The following ARHGAP4 variants were observed in gnomAD, a reference collection of about 807,000 sequenced individuals.
The protein encoded by ARHGAP4 is Rho GTPase activating protein 4, also known as rho GTPase-activating protein 4.
ARHGAP4 carries 25 observed loss-of-function variants against 67.6 expected under a neutral mutation model. The ratio of observed to expected loss-of-function variants is 0.37; its 90% CI spans 0.27 to 0.52. The LOEUF (loss-of-function observed/expected upper bound fraction) is 0.52, where lower values mean the gene tolerates loss of function less well. Ranked by LOEUF, ARHGAP4 falls within the 20% of genes least tolerant of loss-of-function variation. ARHGAP4 has a pLI of 0.92. For synonymous variants in ARHGAP4, 448 were observed against 373.7 expected, an observed-to-expected ratio of 1.20 and a Z score of -2.29; for missense variants, 804 against 854.6, an observed-to-expected ratio of 0.94 and a Z score of 0.74.
rs1277591959 is a variant in ARHGAP4 at position 153,909,873 on chromosome X, G to A, written c.2282C>T (p.Thr761Ile). The change falls in exon 19 of 22, where the codon ACA (threonine) becomes ATA (isoleucine). Residue 761 changes from threonine (T) to isoleucine (I), a missense_variant. Transcript: ENST00000350060. ...AVACFAYTGR[T>I]AQELSFRRGD... ...CCGCCGGAAGCTCAGCTCCTGGGCT[G>A]TGCGGCCCGTGTAGGCAAAGCAGGC... 9.1e-6 allele frequency: 11 copies of A among 1,203,109 alleles called. No homozygotes were observed. The highest frequency in any genetic ancestry group is 1.2e-5 in the Non-Finnish European group (11 of 892,211).
At chrX:153,917,919 G>A (rs2065066282) in intron 7 of ARHGAP4, among the ~76,000 whole-genome samples, 1 of 112,364 alleles carries the variant, frequency 8.9e-6, no homozygotes, top group Non-Finnish European at 1.9e-5. Context: ...CTCCAGACTG[G>A]AAGGCTCTGG....
At chrX:153,911,070 AGGTGCTGGGAACTG>A (rs1409215160) in intron 13 of ARHGAP4, 45 bp downstream of exon 13, 2 of 1,161,953 alleles carry the variant, frequency 1.7e-6, no homozygotes, top group Non-Finnish European at 2.3e-6. Flanking sequence ...CTCCCATGCC[AGGTGCTGGGAACTG>A]GGTGCTGGGT....
chrX:153,913,689 G>T, intron 8 of ARHGAP4, 89 bp from the exon 9 acceptor site: 1 of 1,164,026 alleles, frequency 8.6e-7, no homozygotes, highest in Middle Eastern at 2.4e-4. Context: ...GCCAAAGGGA[G>T]GGGGGCAGGC....
rs1323042021 is a variant in ARHGAP4, at chrX:153,912,074, GCTT to G, written c.1542+623_1542+625del. 3.7e-5 allele frequency among the ~76,000 whole-genome samples: 4 copies of G among 109,397 alleles called. No homozygotes were observed. In the East Asian group the frequency reaches 8.6e-4, roughly 24 times the overall value. 95.0% of individuals were successfully genotyped at this position (109,397 alleles called of 115,157 possible). A position where few individuals can be genotyped will look rare whatever the true frequency, so the allele number is the denominator to read the frequency against. On this transcript the variant is annotated intron_variant, in intron 12 of 21. Coordinates refer to ENST00000350060, the MANE Select transcript of ARHGAP4 (RefSeq NM_001666.5). ...GCCTGGCCCTCTCTGATGCTTGCTT[GCTT>G]CTTTTCTTTTCTTTCTCTCTCTTTT...
In ARHGAP4 at chrX:153,910,727, G is replaced by C; in HGVS notation, c.1789C>G (p.Leu597Val). ...GAAGAAGCCAGCAGCTCGCCGAACA[G>C]GTCTGGGGGGAAGAGTGGGGGCTCC... ...SLEPPLFPPD[L>V]FGELLASSEL... Residue 597 changes from leucine (L) to valine (V), a missense_variant, in exon 15 of 22, where the codon CTG becomes GTG. Coordinates refer to ENST00000350060, the MANE Select transcript of ARHGAP4 (RefSeq NM_001666.5). 1 of 1,194,584 alleles carries C rather than the reference G, an allele frequency of 8.4e-7. No homozygotes were observed. The highest frequency in any genetic ancestry group is 1.1e-6 in the Non-Finnish European group (1 of 886,696).
At chrX:153,925,796 G>A (rs1238539117) in intron 1 of ARHGAP4, among the ~76,000 whole-genome samples, 1 of 112,944 alleles carries the variant, frequency 8.9e-6, no homozygotes, top group Non-Finnish European at 1.9e-5. Context: ...CTTCACTGTA[G>A]CTAAAATACT....
At chrX:153,918,757 G>A in intron 7 of ARHGAP4, 75 bp downstream of exon 7, 1 of 1,048,010 alleles carries the variant, frequency 9.5e-7, no homozygotes, top group Non-Finnish European at 1.3e-6. Flanking sequence ...AGCAAAGTGT[G>A]GGTCATGCCA....
At chrX:153,919,562 G>T in intron 5 of ARHGAP4, 1 of 1,154,390 alleles carries the variant, frequency 8.7e-7, no homozygotes, top group Non-Finnish European at 1.2e-6. Context: ...ACTATTCACA[G>T]ATACCTGATG....
In ARHGAP4 at chrX:153,919,001, G is replaced by C; in HGVS notation, c.863C>G (p.Thr288Arg). 8.3e-7 allele frequency: 1 copy of C among 1,211,890 alleles called. No homozygotes were observed. The highest frequency in any genetic ancestry group is 1.1e-6 in the Non-Finnish European group (1 of 895,526). ...GGCTTGGGTGCGGCTCTCAGCGGCC[G>C]TGTAGCTCCGGAGCACCTGCCCCAG... is the stretch of plus-strand genomic sequence containing the variant. ...LALGQVLRSY[T>R]AAESRTQASQ... The change falls in exon 7 of 22, where the codon ACG becomes AGG. Residue 288 changes from threonine to arginine, a missense_variant. Around this residue, in one of 2 missense-constraint regions of ARHGAP4, gnomAD observed 404 missense variants for 505.9 expected, o/e 0.80. Transcript: ENST00000350060.
intron 1 of ARHGAP4, among the ~76,000 whole-genome samples, 166 bp downstream of exon 1, chrX:153,925,970 G>C (rs782411403): frequency 7.1e-5 from 8 of 112,711 alleles, no homozygotes; most frequent in African/African-American, 2.6e-4. Flanking sequence ...GAGGCCAAAT[G>C]GGCGTCGGGA....
chrX:153,912,726 C>G lies in ARHGAP4; in HGVS notation c.1516G>C (p.Gly506Arg). The part of the protein sequence containing the change: ...PSSQYNQRLF[G>R]GDMEKFIQSS... The stretch of plus-strand genomic sequence containing the variant: ...TGGATAAACTTCTCCATGTCTCCCC[C>G]AAAGAGTCTCTGGTTATACTGGGAG... Residue 506 changes from glycine (G) to arginine (R), a missense_variant, in exon 12 of 22, where the codon GGG becomes CGG. Around this residue, in one of 2 missense-constraint regions of ARHGAP4, gnomAD observed 404 missense variants for 505.9 expected, o/e 0.80. Coordinates refer to ENST00000350060, the MANE Select transcript of ARHGAP4 (RefSeq NM_001666.5). 8.3e-7 allele frequency: 1 copy of G among 1,211,112 alleles called. No individual in the cohort carries two copies. The highest frequency in any genetic ancestry group is 1.1e-6 in the Non-Finnish European group (1 of 894,975).
intron 5 of ARHGAP4, 148 bp from the exon 6 acceptor site, chrX:153,919,431 G>A (rs961131012): frequency 1.7e-5 from 19 of 1,131,865 alleles, no homozygotes; most frequent in Non-Finnish European, 2.1e-5. Context: ...CCTTCCCCAC[G>A]CCACAGTCCA....
At chrX:153,918,605 G>A (rs963183600) in intron 7 of ARHGAP4, among the ~76,000 whole-genome samples, 12 of 112,976 alleles carry the variant, frequency 1.1e-4, no homozygotes, top group African/African-American at 3.2e-4. Context: ...CTACACGGCT[G>A]CCTGCTGCAC....
chrX:153,913,640 A>G (rs782247235), intron 8 of ARHGAP4, 40 bp from the exon 9 acceptor site: 2 of 1,179,646 alleles, frequency 1.7e-6, no homozygotes, highest in Non-Finnish European at 2.3e-6. Context: ...GAGGTGGGGG[A>G]CAGGGAGGGA....
chrX:153,919,605 G>C (rs1557104820), intron 5 of ARHGAP4: 2 of 1,166,080 alleles, frequency 1.7e-6, no homozygotes. Context: ...CCCCACCATG[G>C]AGGGTGCACG....
intron 7 of ARHGAP4, among the ~76,000 whole-genome samples, chrX:153,914,923 A>T (rs904694464): frequency 8.9e-6 from 1 of 112,290 alleles, no homozygotes; most frequent in African/African-American, 3.2e-5. Flanking sequence ...GCATGTAGAC[A>T]TCTAGAAAAT....
chrX:153,911,065 A>G (rs2065017413), intron 13 of ARHGAP4, 64 bp downstream of exon 13: 1 of 1,163,637 alleles, frequency 8.6e-7, no homozygotes, highest in African/African-American at 1.8e-5. Flanking sequence ...ATGGCCTCCC[A>G]TGCCAGGTGC....
At chrX:153,925,744 C>A (rs1557106044) in intron 1 of ARHGAP4, among the ~76,000 whole-genome samples, 1 of 111,987 alleles carries the variant, frequency 8.9e-6, no homozygotes, top group African/African-American at 3.3e-5. Flanking sequence ...TCCACTCACC[C>A]GGACTCCCTT....
rs371623118 is a variant in ARHGAP4, at chrX:153,907,792, C to T, written c.2778G>A (p.Gly926=). ...GRNKGFSRGP[G]APASPSASHP... ...GGGAAGCTGAGGGTGAGGCTGGGGC[C>T]CCAGGGCCCCGGGAGAAGCCTTTGT... Residue 926 remains glycine, a synonymous_variant, in exon 22 of 22, where the codon GGG becomes GGA. Coordinates refer to ENST00000350060, the MANE Select transcript of ARHGAP4 (RefSeq NM_001666.5). The T allele has an allele frequency of 9.1e-5, 92 of 1,009,139 alleles. No homozygotes were observed. In the African/African-American group the frequency reaches 1.7e-3, roughly 19 times the overall value. 83.2% of individuals were successfully genotyped at this position (1,009,139 alleles called of 1,213,427 possible). A position where few individuals can be genotyped will look rare whatever the true frequency, so the allele number is the denominator to read the frequency against.
Sources: gnomAD v4.1 joint callset for allele counts (sites outside exome capture counted in the v4.1 genomes callset) on GRCh38, gnomAD v4.1.1 for gene constraint, gnomAD v4.1.1 regional missense constraint, MANE v1.5 for transcripts, NCBI Gene and HGNC (gene_info 2026-07-23, HGNC 2026-07-21) for gene names.